The following ADGRV1 variants were observed in gnomAD, a reference collection of about 807,000 sequenced individuals.
The protein encoded by ADGRV1 is G-protein coupled receptor 98.
In ADGRV1, 359 loss-of-function variants were observed where a neutral mutation model predicts 596.2. That is an observed-to-expected ratio of 0.60 (90% confidence interval 0.55 to 0.66). The LOEUF is 0.66. Among genes scored for constraint, ADGRV1 ranks in the 30% least tolerant of loss-of-function variants. ADGRV1 has a pLI of 0.00. For synonymous variants in ADGRV1, 2,681 were observed against 2,679.2 expected (o/e 1.00, Z -0.02); for missense variants, 7,274 against 7,575.6 (o/e 0.96, Z 1.48).
chr5:90,769,825 A>G (rs1462378628), intron 59 of ADGRV1, among the ~76,000 whole-genome samples: 2 of 152,184 alleles, frequency 1.3e-5, no homozygotes. Flanking sequence ...ACCTCATTAG[A>G]TGTACTTATG....
intron 84 of ADGRV1, among the ~76,000 whole-genome samples, chr5:90,977,458 T>G (rs907846336): frequency 1.1e-4 from 17 of 152,228 alleles, no homozygotes; most frequent in African/African-American, 3.9e-4. Context: ...CCAATCTTTA[T>G]TTCATATACC....
chr5:91,042,973 G>A (rs148374829), intron 85 of ADGRV1, among the ~76,000 whole-genome samples: 1 of 151,814 alleles, frequency 6.6e-6, no homozygotes, highest in Non-Finnish European at 1.5e-5. Context: ...GCTATATTTC[G>A]AGCCAGTAGT....
chr5:91,003,414 C>A lies in ADGRV1; in HGVS notation c.18152+17892C>A, dbSNP rs193288000. Among the ~76,000 whole-genome samples, 4 of 152,300 alleles carry A rather than the reference C, an allele frequency of 2.6e-5. No individual in the cohort carries two copies. The East Asian group carries it at 7.7e-4, about 29-fold the overall frequency. ...AGATCCATAGCTGCTCTGAAACATA[C>A]GCTAGAAATCCTATTCTGCTTAAAA... is the stretch of plus-strand genomic sequence containing the variant. On this transcript the variant is annotated intron_variant, in intron 85 of 89. Transcript: ENST00000405460.
chr5:90,771,648 T>A (rs971017507), intron 59 of ADGRV1, among the ~76,000 whole-genome samples: 36 of 152,216 alleles, frequency 2.4e-4, no homozygotes, highest in Non-Finnish European at 4.6e-4. Context: ...TTAAAGGTTT[T>A]AAATTTTTTA....
chr5:90,668,393 C>A (rs1476891391), intron 21 of ADGRV1, among the ~76,000 whole-genome samples: 7 of 152,158 alleles, frequency 4.6e-5, no homozygotes, highest in African/African-American at 1.7e-4. Flanking sequence ...TCCGTCACCC[C>A]TTTCTTTGAC....
At chr5:90,735,187 T>C (rs938304959) in intron 50 of ADGRV1, among the ~76,000 whole-genome samples, 4 of 152,256 alleles carry the variant, frequency 2.6e-5, no homozygotes, top group Non-Finnish European at 5.9e-5. Flanking sequence ...AGTTGATTTA[T>C]GTATTTGGTA....
intron 71 of ADGRV1, among the ~76,000 whole-genome samples, chr5:90,803,086 T>G (rs561530983): frequency 6.6e-6 from 1 of 152,136 alleles, no homozygotes; most frequent in East Asian, 1.9e-4. Flanking sequence ...AAAAAAGAGA[T>G]ATGTCCATAT....
At chr5:91,147,176 T>TA (rs57619661) in intron 87 of ADGRV1, among the ~76,000 whole-genome samples, 1,763 of 100,766 alleles carry the variant, frequency 0.017, 43 homozygotes, top group East Asian at 0.12. Context: ...GACCTTGTCT[T>TA]AAAAAAAAAA....
rs10474339 is a variant in ADGRV1, at chr5:91,095,205, T to C, written c.18311-7014T>C. On this transcript the variant is annotated intron_variant, in intron 86 of 89. Transcript: ENST00000405460. ...TTCTTTGAACAATTTGCAAACCCAG[T>C]ATTTTTTTTTTTTTTACACGGGGTC... Among the ~76,000 whole-genome samples the C allele has an allele frequency of 7.1e-4, 108 of 151,354 alleles. 1 individual carries two copies. The highest frequency in any genetic ancestry group is 2.5e-3 in the African/African-American group (103 of 40,772).
chr5:90,596,783 AGAGAGG>A (rs946895053), intron 1 of ADGRV1, among the ~76,000 whole-genome samples: 1 of 152,130 alleles, frequency 6.6e-6, no homozygotes, highest in Admixed American at 6.5e-5. Flanking sequence ...GACCGTGGAA[AGAGAGG>A]GAGAGGGAGA....
chr5:90,635,269 A>G lies in ADGRV1; in HGVS notation c.1995A>G (p.Pro665=), dbSNP rs765689322. Residue 665 remains proline, a synonymous_variant, in exon 10 of 90, where the codon CCA becomes CCG. Coordinates refer to ENST00000405460, the MANE Select transcript of ADGRV1 (RefSeq NM_032119.4). ...LSNLPIILHE[P]EDFAAEVVYI... ...ATCTTCCAATTATTTTGCATGAACC[A>G]GAAGATTTTGCTGCTGAAGTGGTAA... 1.2e-6 allele frequency: 2 copies of G among 1,611,702 alleles called. No individual in the cohort carries two copies. The highest frequency in any genetic ancestry group is 1.7e-6 in the Non-Finnish European group (2 of 1,178,988).
intron 86 of ADGRV1, among the ~76,000 whole-genome samples, chr5:91,096,704 T>G (rs770927277): frequency 6.6e-6 from 1 of 152,198 alleles, no homozygotes; most frequent in African/African-American, 2.4e-5. Context: ...TTTTGTTAAT[T>G]GTAGTAAAAT....
At position 90,646,098 on chromosome 5, in the gene ADGRV1, T is replaced by C; in HGVS notation, c.3022+7T>C. On this transcript the variant is annotated splice_region_variant and intron_variant, in intron 16 of 89. Coordinates refer to ENST00000405460, the MANE Select transcript of ADGRV1 (RefSeq NM_032119.4). ...GACCCCATTTATTTTGCAGGTGGTA[T>C]TGCTGTCTTATTTGAATGAGTTTAC... The C allele has an allele frequency of 6.5e-7, 1 of 1,545,328 alleles. No individual in the cohort carries two copies. Among genetic ancestry groups the C allele is most frequent in the Non-Finnish European group, 8.7e-7 (1 of 1,144,678 alleles).
At chr5:90,709,167 A>G (rs1056844385) in intron 39 of ADGRV1, among the ~76,000 whole-genome samples, 1 of 152,192 alleles carries the variant, frequency 6.6e-6, no homozygotes, top group African/African-American at 2.4e-5. Flanking sequence ...AATCCTCAAA[A>G]TAGCTCTTTG....
At chr5:91,027,189 A>G (rs1288344970) in intron 85 of ADGRV1, among the ~76,000 whole-genome samples, 1 of 149,768 alleles carries the variant, frequency 6.7e-6, no homozygotes, top group African/African-American at 2.5e-5. Flanking sequence ...ACACACACAC[A>G]CTGTCTAACT....
chr5:90,790,733 C>T (rs1223480472), intron 69 of ADGRV1, 140 bp from the exon 70 acceptor site: 2 of 595,710 alleles, frequency 3.4e-6, no homozygotes, highest in Admixed American at 3.2e-5. Flanking sequence ...CTAACATATA[C>T]TTAGAGAGTT....
rs111726769 is a variant in ADGRV1, at chr5:90,658,317, C to A, written c.4752+39C>A. Reference sequence around the variant, plus strand: ...TTGGAGAATTTTGGATTTAAAAATTCATTGTAGGTGGATTTGTTTGGGACT... The same window carrying A: ...TTGGAGAATTTTGGATTTAAAAATTAATTGTAGGTGGATTTGTTTGGGACT... On this transcript the variant is annotated intron_variant, in intron 21 of 89. Transcript: ENST00000405460. 1.2e-4 allele frequency: 176 copies of A among 1,467,046 alleles called. 2 individuals are homozygous for A. The African/African-American group carries it at 1.9e-3, about 16-fold the overall frequency. The allele number at this position is 1,467,046 out of a possible 1,614,324, so 90.9% of individuals were successfully genotyped here. A position where few individuals can be genotyped will look rare whatever the true frequency, so the allele number is the denominator to read the frequency against.
chr5:90,628,912 C>T (rs1765147721), intron 8 of ADGRV1, 80 bp downstream of exon 8: 2 of 1,308,660 alleles, frequency 1.5e-6, no homozygotes, highest in African/African-American at 1.5e-5. Context: ...TACACATCAA[C>T]TTTATGTTTA....
At chr5:90,911,949 A>G (rs991166138) in intron 83 of ADGRV1, among the ~76,000 whole-genome samples, 6 of 152,124 alleles carry the variant, frequency 3.9e-5, no homozygotes, top group Non-Finnish European at 7.4e-5. Context: ...GAGCAGCAGC[A>G]TAAAAGCAGC....
Sources: gnomAD v4.1 joint callset for allele counts (sites outside exome capture counted in the v4.1 genomes callset) on GRCh38, gnomAD v4.1.1 for gene constraint, MANE v1.5 for transcripts, NCBI Gene and HGNC (gene_info 2026-07-23, HGNC 2026-07-21) for gene names.